Variants in ZMYND11 observed in about 807,000 individuals in gnomAD.
The protein encoded by ZMYND11 is zinc finger MYND-type containing 11.
A neutral mutation model predicts 84.9 loss-of-function variants in ZMYND11; 9 were observed. The ratio of observed to expected loss-of-function variants is 0.11; its 90% CI spans 0.06 to 0.18. ZMYND11 has a LOEUF of 0.18. Among genes scored for constraint, ZMYND11 ranks in the 10% least tolerant of loss-of-function variants. The pLI is 1.00. For missense variants in ZMYND11, 409 were observed against 761.0 expected (o/e 0.54, Z 5.44); for synonymous variants, 250 against 244.1 (o/e 1.02, Z -0.23).
At chr10:240,581 C>T (rs146252416) in intron 8 of ZMYND11, among the ~76,000 whole-genome samples, 150 of 152,308 alleles carry the variant, frequency 9.8e-4, no homozygotes, top group African/African-American at 3.5e-3. Flanking sequence ...TGATTGGCAG[C>T]AGATATTGTT....
intron 2 of ZMYND11, among the ~76,000 whole-genome samples, chr10:201,318 G>A (rs1943094859): frequency 6.6e-6 from 1 of 152,106 alleles, no homozygotes. Context: ...AGACATCACA[G>A]GCATTTGTTA....
In ZMYND11 at chr10:209,064, GAT is replaced by G. The variant is rs1486329470; in HGVS notation, c.117-824_117-823del. ...ATATATATATATAGAGAGAGAGAGAGATCAGCGTTGAGGTTTGTTTGGAGGAG... is the reference window on the plus strand; with the variant it reads ...ATATATATATATAGAGAGAGAGAGAGCAGCGTTGAGGTTTGTTTGGAGGAG... On this transcript the variant is annotated intron_variant, in intron 2 of 14. Coordinates refer to ENST00000381604, the MANE Select transcript of ZMYND11 (RefSeq NM_001370100.5). Among the ~76,000 whole-genome samples the G allele has an allele frequency of 1.3e-4, 19 of 151,920 alleles. No individual in the cohort carries two copies. The East Asian group carries it at 2.1e-3, about 17-fold the overall frequency.
At chr10:149,285 G>GTTA (rs61508487) in intron 1 of ZMYND11, among the ~76,000 whole-genome samples, 41,489 of 138,886 alleles carry the variant, frequency 0.3, 6,813 homozygotes, top group East Asian at 0.43. Flanking sequence ...TGAGGTGGTT[G>GTTA]TTATTATTAT....
At chr10:233,969 AT>A (rs540101864) in intron 4 of ZMYND11, among the ~76,000 whole-genome samples, 190 of 152,354 alleles carry the variant, frequency 1.2e-3, no homozygotes, top group African/African-American at 4.2e-3. Flanking sequence ...TGAATTCTCT[AT>A]TTAAAAAGAT....
intron 14 of ZMYND11, among the ~76,000 whole-genome samples, chr10:250,301 T>C (rs2132009415): frequency 6.6e-6 from 1 of 152,302 alleles, no homozygotes; most frequent in East Asian, 1.9e-4. Context: ...TATCATTAGA[T>C]GGGAATTAAG....
At chr10:220,134 CAGAGAAAACAGTAAAGCTGT>C (rs1946898123) in intron 3 of ZMYND11, among the ~76,000 whole-genome samples, 1 of 152,014 alleles carries the variant, frequency 6.6e-6, no homozygotes, top group Admixed American at 6.6e-5. Flanking sequence ...GTACTGACAT[CAGAGAAAACAGTAAAGCTGT>C]TCCACCTTGG....
chr10:163,299 A>G (rs983954405), intron 1 of ZMYND11, among the ~76,000 whole-genome samples: 3 of 152,014 alleles, frequency 2.0e-5, no homozygotes, highest in African/African-American at 2.4e-5. Context: ...CCTTCTTTCT[A>G]TTCATATGTT....
In ZMYND11 at chr10:181,147, T is replaced by A. The variant is rs117740322; in HGVS notation, c.116+1019T>A. 1.5e-3 allele frequency among the ~76,000 whole-genome samples: 229 copies of A among 152,318 alleles called. 6 individuals are homozygous for A. The East Asian group carries it at 0.041, about 27-fold the overall frequency. Reference sequence around the variant, plus strand: ...AAGTGTTTGGAATTTTAAAAATAATTTAGAGAAAATTTCTTGATACTTTTC... The same window carrying A: ...AAGTGTTTGGAATTTTAAAAATAATATAGAGAAAATTTCTTGATACTTTTC... On this transcript the variant is annotated intron_variant, in intron 2 of 14. Coordinates refer to ENST00000381604, the MANE Select transcript of ZMYND11 (RefSeq NM_001370100.5).
chr10:191,993 A>G (rs1940562960), intron 2 of ZMYND11, among the ~76,000 whole-genome samples: 1 of 152,240 alleles, frequency 6.6e-6, no homozygotes, highest in Non-Finnish European at 1.5e-5. Context: ...TTTACCCTCA[A>G]AACAACAGCA....
chr10:193,412 G>T (rs1023147033), intron 2 of ZMYND11, among the ~76,000 whole-genome samples: 1 of 152,262 alleles, frequency 6.6e-6, no homozygotes, highest in East Asian at 1.9e-4. Context: ...ACCTCTGTAT[G>T]GAGTAAGGAT....
At chr10:226,019 T>G (rs1316061455) in intron 4 of ZMYND11, among the ~76,000 whole-genome samples, 1 of 152,200 alleles carries the variant, frequency 6.6e-6, no homozygotes, top group Non-Finnish European at 1.5e-5. Context: ...GATTGCAGTT[T>G]GCCACATGGG....
intron 5 of ZMYND11, 113 bp from the exon 6 acceptor site, chr10:237,470 CTG>C (rs1328640751): frequency 5.0e-6 from 3 of 604,676 alleles, no homozygotes; most frequent in African/African-American, 3.8e-5. Flanking sequence ...TGGCAAGACC[CTG>C]TCTCTACAAA....
intron 2 of ZMYND11, among the ~76,000 whole-genome samples, chr10:192,961 A>G (rs1319070688): frequency 1.3e-5 from 2 of 152,012 alleles, no homozygotes; most frequent in Non-Finnish European, 2.9e-5. Flanking sequence ...ATGCTTTGTA[A>G]ACTTCTTTTC....
chr10:250,507 T>C (rs967708343), intron 14 of ZMYND11, among the ~76,000 whole-genome samples: 6 of 151,010 alleles, frequency 4.0e-5, no homozygotes, highest in South Asian at 4.2e-4. Context: ...AAAAAATTCT[T>C]ATGAGTAGAA....
chr10:171,150 A>G (rs1845218039), intron 1 of ZMYND11, among the ~76,000 whole-genome samples: 1 of 152,146 alleles, frequency 6.6e-6, no homozygotes, highest in Admixed American at 6.6e-5. Flanking sequence ...CGCACCTAAC[A>G]ACCAAGCATC....
At chr10:225,038 T>TTTTTG in intron 4 of ZMYND11, among the ~76,000 whole-genome samples, 1 of 151,588 alleles carries the variant, frequency 6.6e-6, no homozygotes, top group Non-Finnish European at 1.5e-5. Flanking sequence ...TTTGTGAAAA[T>TTTTTG]TGCTTTTAAG....
intron 8 of ZMYND11, 83 bp from the exon 9 acceptor site, chr10:240,810 G>GTTTC: frequency 9.5e-7 from 1 of 1,050,006 alleles, no homozygotes; most frequent in South Asian, 1.5e-5. Context: ...ATACGTGAAT[G>GTTTC]TTAATTTACA....
chr10:236,504 T>C (rs182360420), intron 4 of ZMYND11, among the ~76,000 whole-genome samples: 2 of 152,374 alleles, frequency 1.3e-5, no homozygotes, highest in Admixed American at 6.5e-5. Flanking sequence ...ACTTAGGCCA[T>C]TGATATTGTT....
At chr10:138,401 G>C (rs1403072120) in intron 1 of ZMYND11, among the ~76,000 whole-genome samples, 13 of 152,174 alleles carry the variant, frequency 8.5e-5, no homozygotes, top group Admixed American at 7.2e-4. Flanking sequence ...ACAGATGTGA[G>C]CCACCGCACC....
Sources: allele counts gnomAD v4.1 joint callset (sites outside exome capture counted in the v4.1 genomes callset), GRCh38; gene constraint gnomAD v4.1.1; transcripts MANE v1.5; gene names NCBI Gene and HGNC (gene_info 2026-07-23, HGNC 2026-07-21).